The following ASIC2 variants were observed in gnomAD, a reference collection of about 807,000 sequenced individuals.
ASIC2 encodes the protein acid-sensing ion channel 2.
Under a neutral mutation model 57.3 loss-of-function variants are expected in ASIC2, and 25 were observed. The observed-to-expected ratio is 0.44, with a 90% CI of 0.32 to 0.61. The LOEUF (loss-of-function observed/expected upper bound fraction) is 0.61, where lower values mean the gene tolerates loss of function less well. ASIC2 is among the 20% of genes least tolerant of loss of function. The pLI is 0.06. For synonymous variants in ASIC2, 319 were observed against 307.5 expected, an observed-to-expected ratio of 1.04 and a Z score of -0.39; for missense variants, 641 against 738.1, an observed-to-expected ratio of 0.87 and a Z score of 1.52.
intron 1 of ASIC2, among the ~76,000 whole-genome samples, chr17:33,585,766 G>T (rs1904608191): frequency 6.6e-6 from 1 of 152,170 alleles, no homozygotes; most frequent in Admixed American, 6.5e-5. Context: ...TTTCCCTTCT[G>T]CCCGCTAGTC....
intron 1 of ASIC2, among the ~76,000 whole-genome samples, chr17:33,558,824 T>A (rs1915987299): frequency 6.6e-6 from 1 of 152,162 alleles, no homozygotes; most frequent in Non-Finnish European, 1.5e-5. Context: ...AGACGGAGTC[T>A]GGCTCAATCT....
chr17:33,169,856 T>C (rs1206331032), intron 1 of ASIC2, among the ~76,000 whole-genome samples: 1 of 152,210 alleles, frequency 6.6e-6, no homozygotes, highest in Non-Finnish European at 1.5e-5. Flanking sequence ...CTCTGGTAGC[T>C]CCAATTCTCC....
intron 1 of ASIC2, among the ~76,000 whole-genome samples, chr17:33,498,066 GCT>G (rs1457591278): frequency 6.6e-6 from 1 of 152,238 alleles, no homozygotes; most frequent in East Asian, 1.9e-4. Context: ...AAGGATGTGT[GCT>G]GTGTCTTTTG....
At chr17:33,846,242 C>T (rs1209186230) in intron 1 of ASIC2, among the ~76,000 whole-genome samples, 1 of 152,140 alleles carries the variant, frequency 6.6e-6, no homozygotes, top group Non-Finnish European at 1.5e-5. Flanking sequence ...GTCAGCTCCT[C>T]CCAGATTGTA....
At chr17:34,050,359 C>G (rs1908508681) in intron 1 of ASIC2, among the ~76,000 whole-genome samples, 1 of 151,964 alleles carries the variant, frequency 6.6e-6, no homozygotes. Context: ...CTGTTATATG[C>G]AGATACATTG....
At chr17:33,070,060 A>G (rs2141948748) in intron 3 of ASIC2, among the ~76,000 whole-genome samples, 1 of 152,324 alleles carries the variant, frequency 6.6e-6, no homozygotes, top group South Asian at 2.1e-4. Context: ...TGGCTGTTGT[A>G]GAGTTTATAT....
intron 1 of ASIC2, among the ~76,000 whole-genome samples, chr17:33,359,139 C>A (rs1908500620): frequency 6.6e-6 from 1 of 152,196 alleles, no homozygotes; most frequent in Non-Finnish European, 1.5e-5. Flanking sequence ...GGCCACCTAG[C>A]AAGCTCTAGG....
intron 1 of ASIC2, among the ~76,000 whole-genome samples, chr17:33,434,907 A>AT (rs1469840483): frequency 6.6e-6 from 1 of 152,054 alleles, no homozygotes; most frequent in Non-Finnish European, 1.5e-5. Context: ...TTTTTTTCTA[A>AT]TTTTTTCCAG....
intron 1 of ASIC2, among the ~76,000 whole-genome samples, chr17:33,359,296 G>A (rs1908507953): frequency 6.6e-6 from 1 of 152,196 alleles, no homozygotes. Context: ...AGGTGCAAGA[G>A]GTTTCTAGGT....
chr17:34,105,336 GT>G (rs1911005890), intron 1 of ASIC2, among the ~76,000 whole-genome samples: 1 of 151,596 alleles, frequency 6.6e-6, no homozygotes, highest in Admixed American at 6.6e-5. Context: ...GATAACTTGT[GT>G]TTTTCCTGTT....
At chr17:33,456,316 G>C (rs543276686) in intron 1 of ASIC2, among the ~76,000 whole-genome samples, 31 of 151,968 alleles carry the variant, frequency 2.0e-4, no homozygotes, top group Non-Finnish European at 4.0e-4. Context: ...TTATAAAACA[G>C]ACCAGCCCCC....
chr17:34,042,541 G>C (rs1403389409), intron 1 of ASIC2, among the ~76,000 whole-genome samples: 1 of 151,998 alleles, frequency 6.6e-6, no homozygotes, highest in Non-Finnish European at 1.5e-5. Context: ...GTGGAAGGCT[G>C]GAGACAGTGG....
In ASIC2 at chr17:33,824,979, T is replaced by C. The variant is rs1019964030; in HGVS notation, c.555+330999A>G. Among the ~76,000 whole-genome samples the C allele has an allele frequency of 7.9e-5, 12 of 152,294 alleles. No individual in the cohort carries two copies. The East Asian group carries it at 1.7e-3, about 22-fold the overall frequency. On this transcript the variant is annotated intron_variant, in intron 1 of 9. Transcript: ENST00000359872. ...GACACCCACCTCACAGGGTTGTGGATAGCATTGAACAAGGTGATATACATG... is the reference window on the plus strand; with the variant it reads ...GACACCCACCTCACAGGGTTGTGGACAGCATTGAACAAGGTGATATACATG...
At chr17:34,039,063 G>T in intron 1 of ASIC2, 12 of 1,614,104 alleles carry the variant, frequency 7.4e-6, no homozygotes, top group Non-Finnish European at 1.0e-5. Flanking sequence ...GGAGTTTCTT[G>T]CTCATTGTCA....
chr17:33,302,614 C>T (rs1400781654), intron 1 of ASIC2, among the ~76,000 whole-genome samples: 1 of 152,222 alleles, frequency 6.6e-6, no homozygotes, highest in Non-Finnish European at 1.5e-5. Context: ...GGGTTGTTTA[C>T]TCTCTTTCCC....
At chr17:33,171,723 T>C (rs1448324065) in intron 1 of ASIC2, among the ~76,000 whole-genome samples, 1 of 152,232 alleles carries the variant, frequency 6.6e-6, no homozygotes, top group Non-Finnish European at 1.5e-5. Context: ...TAGAATCCTT[T>C]AACCTGGGGT....
At position 33,220,796 on chromosome 17, in the gene ASIC2, C is replaced by A. The variant is rs568389935; in HGVS notation, c.708+70612G>T. Among the ~76,000 whole-genome samples, 8 of 152,212 alleles carry A rather than the reference C, an allele frequency of 5.3e-5. No homozygotes were observed. The South Asian group carries it at 1.5e-3, about 28-fold the overall frequency. On this transcript the variant is annotated intron_variant, in intron 1 of 9. Coordinates refer to ENST00000225823, the MANE Select transcript of ASIC2 (RefSeq NM_183377.2). The stretch of plus-strand genomic sequence containing the variant: ...GAATTCCAGATGTAGGGCCAGGCGC[C>A]GTGGCTCATACCTGTAATCCCAGTA...
chr17:33,708,617 T>TGGG, intron 1 of ASIC2, among the ~76,000 whole-genome samples: 1 of 152,302 alleles, frequency 6.6e-6, no homozygotes, highest in South Asian at 2.1e-4. Context: ...ATGTGGCTAC[T>TGGG]ACCTCTGTTC....
At chr17:34,093,339 T>C (rs1461257443) in intron 1 of ASIC2, among the ~76,000 whole-genome samples, 2 of 152,138 alleles carry the variant, frequency 1.3e-5, no homozygotes, top group Admixed American at 6.5e-5. Flanking sequence ...CTGAACTGGT[T>C]TGGGAATTGC....
Sources: allele counts gnomAD v4.1 joint callset (sites outside exome capture counted in the v4.1 genomes callset), GRCh38; gene constraint gnomAD v4.1.1; transcripts MANE v1.5; gene names NCBI Gene and HGNC (gene_info 2026-07-23, HGNC 2026-07-21).